The following FAAH2 variants were observed in gnomAD, a reference collection of about 807,000 sequenced individuals.
The protein encoded by FAAH2 is fatty-acid amide hydrolase 2.
FAAH2 carries 60 observed loss-of-function variants against 36.9 expected under a neutral mutation model. The observed-to-expected ratio is 1.63, with a 90% CI of 1.32 to 2.02. FAAH2 has a LOEUF of 2.02. Among genes scored for constraint, FAAH2 ranks in the 30% most tolerant of loss-of-function variants. FAAH2 has a pLI of 0.00. For synonymous variants in FAAH2, 214 were observed against 143.8 expected, an observed-to-expected ratio of 1.49 and a Z score of -3.49; for missense variants, 689 against 397.5, an observed-to-expected ratio of 1.73 and a Z score of -6.23.
chrX:57,371,836 T>C (rs1177188875), intron 5 of FAAH2, among the ~76,000 whole-genome samples: 4 of 111,689 alleles, frequency 3.6e-5, no homozygotes, highest in Non-Finnish European at 1.9e-5. Flanking sequence ...TGTCTACTGT[T>C]CCTATCATTA....
intron 5 of FAAH2, among the ~76,000 whole-genome samples, chrX:57,363,674 C>T (rs1386202920): frequency 9.0e-6 from 1 of 111,037 alleles, no homozygotes; most frequent in Admixed American, 9.6e-5. Context: ...CAGCTTTAGT[C>T]AATTTAGGAT....
intron 7 of FAAH2, among the ~76,000 whole-genome samples, chrX:57,419,053 T>C (rs1292380566): frequency 1.9e-5 from 2 of 106,886 alleles, no homozygotes; most frequent in Non-Finnish European, 3.9e-5. Flanking sequence ...GAACTCATCA[T>C]TTTTTATGGC....
chrX:57,473,610 G>A (rs1042701964), intron 10 of FAAH2, among the ~76,000 whole-genome samples: 2 of 110,936 alleles, frequency 1.8e-5, no homozygotes, highest in Non-Finnish European at 1.9e-5. Flanking sequence ...GATATCAGTG[G>A]GGTGTTAAAG....
At chrX:57,391,738 AT>A (rs1228631767) in intron 7 of FAAH2, among the ~76,000 whole-genome samples, 1 of 111,083 alleles carries the variant, frequency 9.0e-6, no homozygotes. Flanking sequence ...TTTTTAGTAT[AT>A]TTTGAAGTCA....
At chrX:57,466,696 CCTAT>C (rs1382222552) in intron 10 of FAAH2, among the ~76,000 whole-genome samples, 1 of 110,947 alleles carries the variant, frequency 9.0e-6, no homozygotes, top group Non-Finnish European at 1.9e-5. Flanking sequence ...AAAGATATTT[CCTAT>C]CTATTATTTT....
At position 57,323,003 on chromosome X, in the gene FAAH2, G is replaced by A. The variant is rs774582620; in HGVS notation, c.413-8595G>A. Among the ~76,000 whole-genome samples, 8 of 109,870 alleles carry A rather than the reference G, an allele frequency of 7.3e-5. No homozygotes were observed. In the East Asian group the frequency reaches 8.6e-4, roughly 12 times the overall value. On this transcript the variant is annotated intron_variant, in intron 3 of 10. Coordinates refer to ENST00000374900, the MANE Select transcript of FAAH2 (RefSeq NM_174912.4). ...CCCCACTTTCCCCACCCCACAACAG[G>A]CCCCAGTGTGTGATGTTCCCCTTCC... is the stretch of plus-strand genomic sequence containing the variant.
intron 10 of FAAH2, among the ~76,000 whole-genome samples, chrX:57,476,014 G>C (rs182664670): frequency 9.0e-6 from 1 of 111,288 alleles, no homozygotes; most frequent in African/African-American, 3.3e-5. Context: ...TTGTGTATAG[G>C]AATGCTTGGG....
chrX:57,193,975 G>C, the FAAH2 span, among the ~76,000 whole-genome samples: 6 of 111,310 alleles, frequency 5.4e-5, no homozygotes, highest in Non-Finnish European at 1.1e-4. Context: ...TTGACCTATA[G>C]TTTTTGTGTG....
chrX:57,203,360 T>C, the FAAH2 span, among the ~76,000 whole-genome samples: 1 of 112,100 alleles, frequency 8.9e-6, no homozygotes, highest in Non-Finnish European at 1.9e-5. Context: ...TTTTAAGCAG[T>C]TTTCTGCCCT....
chrX:57,350,444 G>GA (rs924255125), intron 5 of FAAH2, among the ~76,000 whole-genome samples: 1 of 109,073 alleles, frequency 9.2e-6, no homozygotes, highest in African/African-American at 3.3e-5. Context: ...AACAACGTGG[G>GA]AAAAAAAATA....
At chrX:57,327,362 A>G (rs1324748585) in intron 3 of FAAH2, among the ~76,000 whole-genome samples, 2 of 109,552 alleles carry the variant, frequency 1.8e-5, no homozygotes, top group Non-Finnish European at 3.8e-5. Flanking sequence ...TGTTCTCTGT[A>G]TTTCCTGGAT....
chrX:57,302,153 G>A (rs190002896), intron 2 of FAAH2, among the ~76,000 whole-genome samples: 14 of 111,485 alleles, frequency 1.3e-4, no homozygotes, highest in African/African-American at 4.2e-4. Flanking sequence ...GGGAGCCCTA[G>A]AGTCCAGAGA....
chrX:57,365,612 C>T (rs1351319113), intron 5 of FAAH2, among the ~76,000 whole-genome samples: 2 of 112,148 alleles, frequency 1.8e-5, no homozygotes, highest in African/African-American at 3.2e-5. Context: ...TCTCTAGCAA[C>T]ATTGGGGATG....
intron 10 of FAAH2, chrX:57,452,364 C>A (rs1454710797): frequency 1.4e-6 from 1 of 733,921 alleles, no homozygotes; most frequent in African/African-American, 2.3e-5. Flanking sequence ...GTACCCATGC[C>A]AGTCATTAAC....
intron 10 of FAAH2, among the ~76,000 whole-genome samples, chrX:57,485,389 G>GA (rs1198563302): frequency 9.0e-6 from 1 of 111,110 alleles, no homozygotes; most frequent in African/African-American, 3.3e-5. Context: ...GTGCACTGGT[G>GA]ACCTGGAGCC....
intron 7 of FAAH2, among the ~76,000 whole-genome samples, chrX:57,414,847 G>C (rs1302689057): frequency 9.6e-6 from 1 of 103,636 alleles, no homozygotes; most frequent in Admixed American, 1.1e-4. Flanking sequence ...ATCTTGTCCT[G>C]GGCTTTTTTT....
At chrX:57,205,011 C>T in the FAAH2 span, among the ~76,000 whole-genome samples, 1 of 112,420 alleles carries the variant, frequency 8.9e-6, no homozygotes, top group Non-Finnish European at 1.9e-5. Context: ...CAAAAGGTGA[C>T]ATTTAACACA....
intron 5 of FAAH2, among the ~76,000 whole-genome samples, chrX:57,357,385 G>A (rs1416536904): frequency 3.6e-5 from 4 of 111,592 alleles, no homozygotes; most frequent in Non-Finnish European, 7.5e-5. Context: ...ACTATCATCA[G>A]AGTGAACAGG....
At chrX:57,211,656 T>C in the FAAH2 span, among the ~76,000 whole-genome samples, 34 of 111,937 alleles carry the variant, frequency 3.0e-4, no homozygotes, top group African/African-American at 1.1e-3. Flanking sequence ...GCTGACACAA[T>C]TGCATAGTGC....
Sources: gnomAD v4.1 joint callset for allele counts (sites outside exome capture counted in the v4.1 genomes callset) on GRCh38, gnomAD v4.1.1 for gene constraint, MANE v1.5 for transcripts, NCBI Gene and HGNC (gene_info 2026-07-23, HGNC 2026-07-21) for gene names.